The following ZNF630 variants were observed in gnomAD, a reference collection of about 807,000 sequenced individuals.
ZNF630 encodes the protein dJ54B20.2 (novel KRAB box containing C2H2 type zinc finger protein).
Under a neutral mutation model 7.2 loss-of-function variants are expected in ZNF630, and 5 were observed. That is an observed-to-expected ratio of 0.70 (90% CI 0.36 to 1.46). The LOEUF (loss-of-function observed/expected upper bound fraction) is 1.46. Ranked by LOEUF, ZNF630 falls within the 40% of genes most tolerant of loss-of-function variation. The pLI is 0.03. For synonymous variants in ZNF630, 158 were observed against 162.8 expected, an observed-to-expected ratio of 0.97 and a Z score of 0.23; for missense variants, 461 against 477.0, an observed-to-expected ratio of 0.97 and a Z score of 0.31.
chrX:48,068,913 C>T (rs2059146366), intron 1 of ZNF630, among the ~76,000 whole-genome samples: 1 of 111,423 alleles, frequency 9.0e-6, no homozygotes. Flanking sequence ...GAAGAAGAGG[C>T]AGAACACAAG....
Position 48,059,710 on chromosome X carries a change from G to A in ZNF630, c.732C>T (p.Leu244=). 1 of 1,208,241 alleles carries A rather than the reference G, an allele frequency of 8.3e-7. No individual in the cohort carries two copies. Among genetic ancestry groups the A allele is most frequent in the Non-Finnish European group, 1.1e-6 (1 of 893,221 alleles). The change falls in exon 5 of 5, where the codon CTC becomes CTT. Residue 244 remains leucine (L), a synonymous_variant. Transcript: ENST00000276054. ...ACTGAACATGGGCTTGCTTATGACT[G>A]AGAACTTTTTCACATTGACTATCTC... ...PYGDSQCEKV[L]SHKQAHVQYK... is the part of the protein sequence containing the mutation.
At chrX:48,070,845 A>C (rs1247337783) in intron 1 of ZNF630, among the ~76,000 whole-genome samples, 3 of 109,106 alleles carry the variant, frequency 2.7e-5, no homozygotes, top group Non-Finnish European at 3.8e-5. Flanking sequence ...TTGTTCATTC[A>C]TGCACATATG....
rs139782845 is a variant in ZNF630, at chrX:48,058,971, C to G, written c.1471G>C (p.Glu491Gln). Reference protein sequence around the residue: ...HTGEKPYMCTECGKSFSQKSP... With the variant: ...HTGEKPYMCTQCGKSFSQKSP... ...TTCTGAGAGAAGGATTTTCCACATT[C>G]AGTACACATATAAGGTTTCTCTCCA... Residue 491 changes from glutamate (E) to glutamine (Q), a missense_variant, in exon 5 of 5, where the codon GAA (glutamate) becomes CAA (glutamine). Transcript: ENST00000276054. The G allele has an allele frequency of 6.3e-5, 76 of 1,206,277 alleles. 1 individual carries two copies. In the African/African-American group the frequency reaches 1.2e-3, roughly 19 times the overall value.
intron 2 of ZNF630, among the ~76,000 whole-genome samples, chrX:48,062,179 T>C (rs2059108265): frequency 9.0e-6 from 1 of 111,698 alleles, no homozygotes; most frequent in African/African-American, 3.3e-5. Flanking sequence ...AAATTGTCTG[T>C]GGTGTATGGT....
rs781794137 is a variant in ZNF630 at position 48,059,416 on chromosome X, A to T, written c.1026T>A (p.Thr342=). Residue 342 remains threonine, a synonymous_variant, in exon 5 of 5, where the codon ACT becomes ACA. Coordinates refer to ENST00000276054, the MANE Select transcript of ZNF630 (RefSeq NM_001282201.2). ...CAAAACACTCATAGGGTTTCTCTCC[A>T]GTATGGACTCTCTGATGAACAGTGA... is the stretch of plus-strand genomic sequence containing the variant. ...SPFTVHQRVH[T]GEKPYECFEC... The T allele has an allele frequency of 1.7e-6, 2 of 1,208,174 alleles. No homozygotes were observed. The highest frequency in any genetic ancestry group is 3.5e-5 in the South Asian group (2 of 56,919).
rs2059076153 is a variant in ZNF630 at position 48,057,639 on chromosome X, GA to G, written c.*828del. Among the ~76,000 whole-genome samples, 1 of 111,343 alleles carries G rather than the reference GA, an allele frequency of 9.0e-6. No homozygotes were observed. The highest frequency in any genetic ancestry group is 3.7e-4 in the South Asian group (1 of 2,726). On this transcript the variant is annotated 3_prime_UTR_variant, in exon 5 of 5. Transcript: ENST00000276054. ...CACAGATATAAAGGAAATTAATCATGAGACTACTTTACCCAAAATTATGCAA... is the reference window on the plus strand; with the variant it reads ...CACAGATATAAAGGAAATTAATCATGGACTACTTTACCCAAAATTATGCAA...
Position 48,058,565 on chromosome X carries a change from G to A in ZNF630, c.1877C>T (p.Pro626Leu). ...CTTCCCACAGTCACTGCATCTGGAG[G>A]GTTTCTCCCCAGTGTGTCTTCTCTG... ...TYQRRHTGEK[P>L]SRCSDCGKAF... Residue 626 changes from proline to leucine, a missense_variant, in exon 5 of 5, where the codon CCC (proline) becomes CTC (leucine). Coordinates refer to ENST00000276054, the MANE Select transcript of ZNF630 (RefSeq NM_001282201.2). 1 of 1,207,796 alleles carries A rather than the reference G, an allele frequency of 8.3e-7. No homozygotes were observed. Among genetic ancestry groups the A allele is most frequent in the Non-Finnish European group, 1.1e-6 (1 of 892,901 alleles).
intron 1 of ZNF630, among the ~76,000 whole-genome samples, chrX:48,070,014 C>T (rs1159184064): frequency 3.7e-5 from 4 of 107,879 alleles, no homozygotes; most frequent in Non-Finnish European, 7.7e-5. Flanking sequence ...CCCGCCACCA[C>T]GCCCAGCTAA....
intron 1 of ZNF630, among the ~76,000 whole-genome samples, chrX:48,067,313 G>A (rs144607829): frequency 0.049 from 5,508 of 111,750 alleles, 179 homozygotes; most frequent in Non-Finnish European, 0.079. Context: ...AGATAATCAT[G>A]AAAGTTTGAA....
chrX:48,065,972 T>C (rs1427347230), intron 2 of ZNF630, among the ~76,000 whole-genome samples: 3 of 111,562 alleles, frequency 2.7e-5, no homozygotes, highest in African/African-American at 3.3e-5. Context: ...TGATAATATT[T>C]GCAGATGGGT....
At chrX:48,062,413 G>T (rs1225989951) in intron 2 of ZNF630, among the ~76,000 whole-genome samples, 2 of 112,278 alleles carry the variant, frequency 1.8e-5, no homozygotes, top group African/African-American at 6.5e-5. Flanking sequence ...ATCTCCATAA[G>T]GGAATACTAT....
rs781837486 is a variant in ZNF630, at chrX:48,060,003, A to G, written c.439T>C (p.Leu147=). 2.5e-6 allele frequency: 3 copies of G among 1,205,845 alleles called. No individual in the cohort carries two copies. Among genetic ancestry groups the G allele is most frequent in the Non-Finnish European group, 3.4e-6 (3 of 892,532 alleles). The change falls in exon 5 of 5, where the codon TTG becomes CTG. Residue 147 remains leucine, a synonymous_variant. Coordinates refer to ENST00000276054, the MANE Select transcript of ZNF630 (RefSeq NM_001282201.2). ...RQVTVISRET[L]TDEMGSKYSA... ...TACTTGGAACCCATCTCATCAGTCA[A>G]TGTTTCACGACTGATGACTGTGACC...
chrX:48,064,136 T>A (rs1356209473), intron 2 of ZNF630, among the ~76,000 whole-genome samples: 1 of 110,777 alleles, frequency 9.0e-6, no homozygotes, highest in Admixed American at 9.7e-5. Flanking sequence ...CAATGGTACC[T>A]AGCACAGAGG....
chrX:48,067,662 G>A (rs782063415), intron 1 of ZNF630, among the ~76,000 whole-genome samples: 1 of 111,540 alleles, frequency 9.0e-6, no homozygotes, highest in Non-Finnish European at 1.9e-5. Flanking sequence ...GCAGCCAGGC[G>A]TGGTGGTGCA....
rs1208137784 is a variant in ZNF630, at chrX:48,067,008, T to C, written c.-122A>G. 15 of 789,901 alleles carry C rather than the reference T, an allele frequency of 1.9e-5. No homozygotes were observed. Among genetic ancestry groups the C allele is most frequent in the Admixed American group, 2.7e-5 (1 of 36,440 alleles). 65.1% of individuals were successfully genotyped at this position (789,901 alleles called of 1,213,427 possible). A position where few individuals can be genotyped will look rare whatever the true frequency, so the allele number is the denominator to read the frequency against. ...TGACAATGTGTTGCTTGTTAATTCATTGATGACTTGTGTTTCTCATCTGAC... is the reference window on the plus strand; with the variant it reads ...TGACAATGTGTTGCTTGTTAATTCACTGATGACTTGTGTTTCTCATCTGAC... On this transcript the variant is annotated 5_prime_UTR_variant, in exon 2 of 5. An upstream start codon of the reference 5' UTR is lost. Transcript: ENST00000276054.
intron 2 of ZNF630, among the ~76,000 whole-genome samples, chrX:48,062,338 C>T: frequency 8.9e-6 from 1 of 112,493 alleles, no homozygotes; most frequent in East Asian, 2.8e-4. Flanking sequence ...CTCTACAGTA[C>T]TATTTATAAT....
Position 48,059,980 on chromosome X carries a change from C to T in ZNF630, c.462G>A (p.Lys154=), listed in dbSNP as rs1311128302. 6 of 1,206,474 alleles carry T rather than the reference C, an allele frequency of 5.0e-6. No individual in the cohort carries two copies. The Admixed American group carries it at 1.1e-4, about 22-fold the overall frequency. ...TGAACATTTTCCCAAATGCACTGTA[C>T]TTGGAACCCATCTCATCAGTCAATG... ...RETLTDEMGS[K]YSAFGKMFNR... Residue 154 remains lysine (K), a synonymous_variant, in exon 5 of 5, where the codon AAG becomes AAA. Transcript: ENST00000276054.
At position 48,070,385 on chromosome X, in the gene ZNF630, T is replaced by C. The variant is rs782231753; in HGVS notation, c.-176+882A>G. 1.5e-4 allele frequency among the ~76,000 whole-genome samples: 16 copies of C among 106,404 alleles called. No individual in the cohort carries two copies. In the East Asian group the frequency reaches 4.2e-3, roughly 28 times the overall value. The allele number at this position is 106,404 out of a possible 115,157, so 92.4% of individuals were successfully genotyped here. A position where few individuals can be genotyped will look rare whatever the true frequency, so the allele number is the denominator to read the frequency against. On this transcript the variant is annotated intron_variant, in intron 1 of 4. Coordinates refer to ENST00000276054, the MANE Select transcript of ZNF630 (RefSeq NM_001282201.2). ...CAGCACTTTGGGAGGCCGAGGTGGG[T>C]GTATCACCTGAGGTCAAGAGTTCGG...
rs1569419888 is a variant in ZNF630 at position 48,059,425 on chromosome X, T to C, written c.1017A>G (p.Arg339=). The change falls in exon 5 of 5, where the codon AGA becomes AGG. Residue 339 remains arginine, a synonymous_variant. Coordinates refer to ENST00000276054, the MANE Select transcript of ZNF630 (RefSeq NM_001282201.2). The part of the protein sequence containing the change: ...SRKSPFTVHQ[R]VHTGEKPYEC... ...CATAGGGTTTCTCTCCAGTATGGAC[T>C]CTCTGATGAACAGTGAAAGGTGACT... The C allele has an allele frequency of 2.5e-6, 3 of 1,208,234 alleles. No individual in the cohort carries two copies. The highest frequency in any genetic ancestry group is 5.9e-5 in the East Asian group (2 of 33,807).
Sources: gnomAD v4.1 joint callset for allele counts (sites outside exome capture counted in the v4.1 genomes callset) on GRCh38, gnomAD v4.1.1 for gene constraint, MANE v1.5 for transcripts, NCBI Gene and HGNC (gene_info 2026-07-23, HGNC 2026-07-21) for gene names.